A1CF: variants seen among roughly 807,000 people sequenced by gnomAD.
A1CF encodes the protein APOBEC1 complementation factor.
A1CF carries 48 observed loss-of-function variants against 68.9 expected under a neutral mutation model. That is an observed-to-expected ratio of 0.70 (90% CI 0.55 to 0.89). The LOEUF (loss-of-function observed/expected upper bound fraction) is 0.89. Among genes scored for constraint, A1CF ranks in the 40% least tolerant of loss-of-function variants. The probability of loss-of-function intolerance (pLI) is 0.00; values close to 1 mark genes in which losing one functional copy is unlikely to be tolerated. For missense variants in A1CF, 653 were observed against 718.9 expected (o/e 0.91, Z 1.05); for synonymous variants, 272 against 260.4 (o/e 1.04, Z -0.43).
At chr10:50,828,491 C>T (rs1000684580) in intron 6 of A1CF, 196 bp from the exon 7 acceptor site, 10 of 410,482 alleles carry the variant, frequency 2.4e-5, no homozygotes, top group Middle Eastern at 6.2e-4. Context: ...TCTGTGTGAC[C>T]GGTGGCTTGT....
chr10:50,866,623 T>C (rs1316493176), intron 1 of A1CF, among the ~76,000 whole-genome samples: 2 of 152,210 alleles, frequency 1.3e-5, no homozygotes, highest in Non-Finnish European at 2.9e-5. Flanking sequence ...TCTAGACCTG[T>C]TAGCTGGATA....
At chr10:50,861,777 CATAATA>C (rs745865439) in intron 2 of A1CF, among the ~76,000 whole-genome samples, 5 of 147,006 alleles carry the variant, frequency 3.4e-5, no homozygotes, top group Non-Finnish European at 7.5e-5. Flanking sequence ...TAATACTAAT[CATAATA>C]ATAGTAATAG....
At chr10:50,854,148 T>C (rs1840374373) in intron 3 of A1CF, among the ~76,000 whole-genome samples, 2 of 151,980 alleles carry the variant, frequency 1.3e-5, no homozygotes, top group South Asian at 2.1e-4. Context: ...TTCCTTGTGA[T>C]AAAAACGATC....
intron 12 of A1CF, among the ~76,000 whole-genome samples, chr10:50,807,634 G>GTGGA (rs1837895911): frequency 6.6e-6 from 1 of 152,160 alleles, no homozygotes; most frequent in Admixed American, 6.5e-5. Context: ...ATTGTGTCTA[G>GTGGA]TGGATGAGCA....
chr10:50,881,230 C>T (rs943222864), intron 1 of A1CF, among the ~76,000 whole-genome samples: 1 of 152,194 alleles, frequency 6.6e-6, no homozygotes, highest in Non-Finnish European at 1.5e-5. Flanking sequence ...CTCAGGTGAT[C>T]TGCCTGCCTT....
chr10:50,816,397 T>C, intron 8 of A1CF, 118 bp from the exon 9 acceptor site: 1 of 1,164,618 alleles, frequency 8.6e-7, no homozygotes, highest in Non-Finnish European at 1.2e-6. Flanking sequence ...GGTTTATTGA[T>C]TGTATCTTGT....
At chr10:50,848,829 G>C (rs894917128) in intron 3 of A1CF, among the ~76,000 whole-genome samples, 1 of 152,072 alleles carries the variant, frequency 6.6e-6, no homozygotes, top group Non-Finnish European at 1.5e-5. Flanking sequence ...CCCTTGCTTA[G>C]TAGCATTTCA....
chr10:50,861,213 T>C (rs1840730130), intron 2 of A1CF, among the ~76,000 whole-genome samples: 2 of 151,846 alleles, frequency 1.3e-5, no homozygotes, highest in Non-Finnish European at 2.9e-5. Flanking sequence ...GGTATTCTAT[T>C]ACTAAAATTA....
chr10:50,828,429 G>T, intron 6 of A1CF, 134 bp from the exon 7 acceptor site: 2 of 609,522 alleles, frequency 3.3e-6, no homozygotes, highest in Non-Finnish European at 2.6e-6. Context: ...TAAAACTGGT[G>T]AGTGTTGATC....
chr10:50,873,922 A>G (rs575415206), intron 1 of A1CF, among the ~76,000 whole-genome samples: 102 of 152,280 alleles, frequency 6.7e-4, no homozygotes, highest in African/African-American at 2.3e-3. Context: ...GAGAAAAAGA[A>G]CAAGCAGGTA....
chr10:50,836,146 T>G lies in A1CF; in HGVS notation c.532A>C (p.Asn178His). Residue 178 changes from asparagine to histidine, a missense_variant, in exon 6 of 13, where the codon AAC becomes CAC. Asn to His is a moderately conservative substitution (Grantham distance 68). Transcript: ENST00000373997. The stretch of plus-strand genomic sequence containing the variant: ...TACTCCACGAAGGCAAAGCCTCGGT[T>G]TTTGGTTTTATCTGCAGCGCTTGGG... ...VYPSAADKTK[N>H]RGFAFVEYES... is the part of the protein sequence containing the mutation. 6.2e-7 allele frequency: 1 copy of G among 1,613,916 alleles called. No homozygotes were observed. Among genetic ancestry groups the G allele is most frequent in the Non-Finnish European group, 8.5e-7 (1 of 1,179,858 alleles).
intron 7 of A1CF, among the ~76,000 whole-genome samples, chr10:50,825,886 C>T (rs951940627): frequency 2.4e-4 from 36 of 152,044 alleles, no homozygotes; most frequent in African/African-American, 8.2e-4. Context: ...TTTGCCCACC[C>T]GTAGAGTATA....
Position 50,859,975 on chromosome 10 carries a change from AG to A in A1CF, c.-36del, listed in dbSNP as rs1840670225. On this transcript the variant is annotated 5_prime_UTR_variant, in exon 3 of 13. Coordinates refer to ENST00000373997, the MANE Select transcript of A1CF (RefSeq NM_014576.4). ...TTATCAGCAAAAAATCAGGTTAATT[AG>A]GGTTGCTCACTGAAACCAAATTTAA... is the stretch of plus-strand genomic sequence containing the variant. 1 of 1,583,306 alleles carries A rather than the reference AG, an allele frequency of 6.3e-7. No homozygotes were observed. The highest frequency in any genetic ancestry group is 1.3e-5 in the African/African-American group (1 of 74,210).
At chr10:50,855,405 CAT>C (rs1840432635) in intron 3 of A1CF, among the ~76,000 whole-genome samples, 1 of 151,794 alleles carries the variant, frequency 6.6e-6, no homozygotes, top group Non-Finnish European at 1.5e-5. Flanking sequence ...TTTTATAAGG[CAT>C]AATACAATTA....
chr10:50,846,084 C>G (rs529152677), intron 3 of A1CF, among the ~76,000 whole-genome samples: 14 of 152,030 alleles, frequency 9.2e-5, no homozygotes, highest in Non-Finnish European at 1.6e-4. Context: ...AAGAACATAT[C>G]TCATATTTCT....
rs999097965 is a variant in A1CF at position 50,799,661 on chromosome 10, T to G, written c.*7068A>C. On this transcript the variant is annotated 3_prime_UTR_variant, in exon 13 of 13. Coordinates refer to ENST00000373997, the MANE Select transcript of A1CF (RefSeq NM_014576.4). ...CTAAAGTACAAAAATAAGTGCTTTA[T>G]GCACACTTTTTAATACTGTCTTTGT... 5 of 152,176 alleles carry G rather than the reference T, an allele frequency of 3.3e-5. No homozygotes were observed. The highest frequency in any genetic ancestry group is 5.9e-5 in the Non-Finnish European group (4 of 68,002). The allele number at this position is 152,176 out of a possible 1,614,324, so 9.4% of individuals were successfully genotyped here. A position where few individuals can be genotyped will look rare whatever the true frequency, so the allele number is the denominator to read the frequency against.
chr10:50,811,111 A>G lies in A1CF; in HGVS notation c.1389T>C (p.Ile463=), dbSNP rs899634193. ...GQPVYQLHSA[I]GQDQRQLFLY... ...AGAATAGCTGTCTTTGGTCTTGTCC[A>G]ATAGCAGAGTGCAGCTGGTACACTG... Residue 463 remains isoleucine (I), a synonymous_variant, in exon 11 of 13, where the codon ATT becomes ATC. Transcript: ENST00000373997. 1.2e-6 allele frequency: 2 copies of G among 1,613,620 alleles called. No individual in the cohort carries two copies. The highest frequency in any genetic ancestry group is 4.5e-5 in the East Asian group (2 of 44,792).
Position 50,834,226 on chromosome 10 carries a change from C to T in A1CF, c.604+1848G>A, listed in dbSNP as rs1242461037. Among the ~76,000 whole-genome samples the T allele has an allele frequency of 3.3e-5, 5 of 152,178 alleles. No homozygotes were observed. The East Asian group carries it at 9.6e-4, about 29-fold the overall frequency. On this transcript the variant is annotated intron_variant, in intron 6 of 12. Transcript: ENST00000373997. ...CTGTCTTTCACTTGTTTTGGACCTTCTTTCACTGTCCTACTCCCCCACACC... is the reference window on the plus strand; with the variant it reads ...CTGTCTTTCACTTGTTTTGGACCTTTTTTCACTGTCCTACTCCCCCACACC...
chr10:50,816,619 A>T (rs957870432), intron 8 of A1CF: 1 of 187,264 alleles, frequency 5.3e-6, no homozygotes, highest in Non-Finnish European at 1.1e-5. Context: ...TTACATATTT[A>T]TATAATTATA....
Sources: allele counts gnomAD v4.1 joint callset (sites outside exome capture counted in the v4.1 genomes callset), GRCh38; gene constraint gnomAD v4.1.1; transcripts MANE v1.5; gene names NCBI Gene and HGNC (gene_info 2026-07-23, HGNC 2026-07-21).